SCAPER: variants seen among roughly 807,000 people sequenced by gnomAD.
The protein encoded by SCAPER is S-phase cyclin A associated protein in the ER, also known as S phase cyclin A-associated protein in the endoplasmic reticulum.
Under a neutral mutation model 182.2 loss-of-function variants are expected in SCAPER, and 98 were observed. That is an observed-to-expected ratio of 0.54 (90% CI 0.46 to 0.64). SCAPER has a LOEUF of 0.64. Among genes scored for constraint, SCAPER ranks in the 30% least tolerant of loss-of-function variants. SCAPER has a pLI of 0.00. For synonymous variants in SCAPER, 605 were observed against 564.6 expected (o/e 1.07, Z -1.01); for missense variants, 1,432 against 1,690.0 (o/e 0.85, Z 2.68).
At chr15:76,838,194 T>C (rs1401974445) in intron 5 of SCAPER, among the ~76,000 whole-genome samples, 1 of 152,088 alleles carries the variant, frequency 6.6e-6, no homozygotes. Context: ...ATGTGGTACA[T>C]ATACACCATG....
chr15:76,827,980 C>T (rs2068147600), intron 5 of SCAPER, among the ~76,000 whole-genome samples: 2 of 152,008 alleles, frequency 1.3e-5, no homozygotes, highest in Admixed American at 1.3e-4. Flanking sequence ...GCTCTGCTCT[C>T]ATGAAAGGTT....
At chr15:76,848,397 C>T (rs921845161) in intron 4 of SCAPER, among the ~76,000 whole-genome samples, 2 of 147,310 alleles carry the variant, frequency 1.4e-5, no homozygotes, top group Admixed American at 6.8e-5. Context: ...GGTGCAATCT[C>T]GGTTCGGTTC....
intron 23 of SCAPER, among the ~76,000 whole-genome samples, chr15:76,573,454 ATTACT>A (rs1473552391): frequency 1.3e-5 from 2 of 152,160 alleles, no homozygotes; most frequent in African/African-American, 2.4e-5. Context: ...GAAAATAGCC[ATTACT>A]TTAAATAGAA....
At chr15:76,777,618 T>G (rs760552350) in intron 8 of SCAPER, among the ~76,000 whole-genome samples, 6 of 152,148 alleles carry the variant, frequency 3.9e-5, no homozygotes, top group Non-Finnish European at 7.4e-5. Flanking sequence ...CGCTTGGACC[T>G]GGGATGTGGA....
At chr15:76,630,820 C>T (rs1171956247) in intron 21 of SCAPER, among the ~76,000 whole-genome samples, 1 of 152,104 alleles carries the variant, frequency 6.6e-6, no homozygotes, top group Non-Finnish European at 1.5e-5. Context: ...TCCACTTGAT[C>T]CAGAGCTGAG....
At chr15:76,761,293 G>C (rs1006199004) in intron 14 of SCAPER, among the ~76,000 whole-genome samples, 2 of 151,802 alleles carry the variant, frequency 1.3e-5, no homozygotes, top group African/African-American at 4.8e-5. Flanking sequence ...CCGTTTTGTT[G>C]ATTTTTTCCC....
intron 23 of SCAPER, among the ~76,000 whole-genome samples, chr15:76,549,009 A>G (rs1169304980): frequency 6.6e-6 from 1 of 152,182 alleles, no homozygotes; most frequent in African/African-American, 2.4e-5. Context: ...TGAACAGGCA[A>G]CCTACAGAAT....
chr15:76,543,245 T>C (rs1193031657), intron 23 of SCAPER, among the ~76,000 whole-genome samples: 1 of 152,218 alleles, frequency 6.6e-6, no homozygotes, highest in Non-Finnish European at 1.5e-5. Flanking sequence ...TTAAGCATTT[T>C]ATATCCTAAT....
At position 76,883,792 on chromosome 15, in the gene SCAPER, G is replaced by C; in HGVS notation, c.6+20C>G. On this transcript the variant is annotated intron_variant, in intron 2 of 31. Transcript: ENST00000563290. ...GAGAAAGGCAAAAAAACTAAGGCTA[G>C]TCTTTAAGATATCACTTACCATCAT... The C allele has an allele frequency of 6.6e-7, 1 of 1,506,384 alleles. No homozygotes were observed. The highest frequency in any genetic ancestry group is 8.9e-7 in the Non-Finnish European group (1 of 1,120,106). The allele number at this position is 1,506,384 out of a possible 1,614,324, so 93.3% of individuals were successfully genotyped here.
intron 30 of SCAPER, 60 bp downstream of exon 30, chr15:76,353,889 C>G (rs2040776564): frequency 7.2e-7 from 1 of 1,385,924 alleles, no homozygotes; most frequent in Non-Finnish European, 9.4e-7. Context: ...CTTACTTTTA[C>G]ATTTCTGTCG....
intron 27 of SCAPER, among the ~76,000 whole-genome samples, chr15:76,384,423 AT>A (rs2043161407): frequency 6.6e-6 from 1 of 152,206 alleles, no homozygotes; most frequent in Non-Finnish European, 1.5e-5. Flanking sequence ...ATTCACTGCT[AT>A]TTCCTCTTCC....
intron 8 of SCAPER, among the ~76,000 whole-genome samples, chr15:76,780,181 G>A (rs1232386239): frequency 2.0e-5 from 3 of 152,218 alleles, no homozygotes; most frequent in African/African-American, 7.2e-5. Context: ...ACCAAATACT[G>A]CGCTTTTCCC....
At chr15:76,430,517 A>G (rs2046791763) in intron 26 of SCAPER, among the ~76,000 whole-genome samples, 1 of 152,226 alleles carries the variant, frequency 6.6e-6, no homozygotes. Flanking sequence ...GATGTGAGAC[A>G]TGGAGTCAAA....
intron 22 of SCAPER, among the ~76,000 whole-genome samples, chr15:76,587,345 G>A (rs2048743817): frequency 6.6e-6 from 1 of 152,052 alleles, no homozygotes; most frequent in African/African-American, 2.4e-5. Flanking sequence ...GGTTTGGTTT[G>A]TTCTTGTTTC....
intron 8 of SCAPER, among the ~76,000 whole-genome samples, chr15:76,776,539 T>C (rs2063752564): frequency 6.6e-6 from 1 of 152,140 alleles, no homozygotes; most frequent in South Asian, 2.1e-4. Flanking sequence ...CCAGCATCAA[T>C]GAGGCAGAAA....
chr15:76,791,577 G>T (rs367757122), intron 8 of SCAPER, among the ~76,000 whole-genome samples: 2 of 151,966 alleles, frequency 1.3e-5, no homozygotes, highest in African/African-American at 4.8e-5. Context: ...AATCTTAGAG[G>T]GGGTGGGAAA....
intron 3 of SCAPER, among the ~76,000 whole-genome samples, chr15:76,859,873 C>T (rs1322342046): frequency 3.3e-5 from 5 of 152,104 alleles, no homozygotes; most frequent in Non-Finnish European, 7.4e-5. Context: ...CACTGCCATG[C>T]CCCGCTAATT....
chr15:76,762,752 G>A (rs1200808473), intron 14 of SCAPER, among the ~76,000 whole-genome samples: 10 of 152,084 alleles, frequency 6.6e-5, no homozygotes. Flanking sequence ...AGGTTCAAGC[G>A]ATCCTTCTGC....
At chr15:76,412,619 C>A (rs2045371359) in intron 26 of SCAPER, among the ~76,000 whole-genome samples, 2 of 152,084 alleles carry the variant, frequency 1.3e-5, no homozygotes, top group Non-Finnish European at 2.9e-5. Flanking sequence ...CAATCTTATA[C>A]CAATACCAGA....
Sources: gnomAD v4.1 joint callset for allele counts (sites outside exome capture counted in the v4.1 genomes callset) on GRCh38, gnomAD v4.1.1 for gene constraint, MANE v1.5 for transcripts, NCBI Gene and HGNC (gene_info 2026-07-23, HGNC 2026-07-21) for gene names.